The following KIF16B variants were observed in gnomAD, a reference collection of about 807,000 sequenced individuals.
KIF16B encodes kinesin-like protein KIF16B.
KIF16B carries 98 observed loss-of-function variants against 156.3 expected under a neutral mutation model. That is an observed-to-expected ratio of 0.63 (90% CI 0.53 to 0.74). The LOEUF is 0.74. Ranked by LOEUF, KIF16B falls within the 30% of genes least tolerant of loss-of-function variation. The probability of loss-of-function intolerance (pLI) is 0.00; values close to 1 mark genes in which losing one functional copy is unlikely to be tolerated. For missense variants in KIF16B, 1,421 were observed against 1,606.5 expected, an observed-to-expected ratio of 0.88 and a Z score of 1.97; for synonymous variants, 564 against 583.7, an observed-to-expected ratio of 0.97 and a Z score of 0.49.
At chr20:16,393,062 ATG>A (rs1306430825) in intron 17 of KIF16B, among the ~76,000 whole-genome samples, 1 of 152,226 alleles carries the variant, frequency 6.6e-6, no homozygotes, top group African/African-American at 2.4e-5. Context: ...ACACAATTAA[ATG>A]TTTAAAAAAA....
At chr20:16,536,696 G>A (rs968440435) in intron 1 of KIF16B, among the ~76,000 whole-genome samples, 5 of 152,282 alleles carry the variant, frequency 3.3e-5, no homozygotes, top group Middle Eastern at 3.4e-3. Flanking sequence ...TTTGTTACAT[G>A]TCTTCCTTTG....
chr20:16,353,987 G>A (rs1014937532), intron 23 of KIF16B, among the ~76,000 whole-genome samples: 1 of 152,160 alleles, frequency 6.6e-6, no homozygotes, highest in Non-Finnish European at 1.5e-5. Context: ...AACTTGCTTT[G>A]AGAAATGCAA....
intron 24 of KIF16B, among the ~76,000 whole-genome samples, chr20:16,315,598 A>C (rs957913925): frequency 2.0e-5 from 3 of 152,184 alleles, no homozygotes; most frequent in Non-Finnish European, 4.4e-5. Flanking sequence ...CAGTTCCAAC[A>C]AGAGTTGTCA....
chr20:16,508,240 G>A (rs1283949461), intron 6 of KIF16B, 140 bp from the exon 7 acceptor site: 1 of 938,990 alleles, frequency 1.1e-6, no homozygotes, highest in Non-Finnish European at 1.6e-6. Context: ...CTAGGGTGGT[G>A]GTATGTAATG....
At chr20:16,377,813 A>G (rs1252734535) in intron 19 of KIF16B, among the ~76,000 whole-genome samples, 1 of 152,170 alleles carries the variant, frequency 6.6e-6, no homozygotes, top group African/African-American at 2.4e-5. Flanking sequence ...CCTCAAATTC[A>G]CATAATATGC....
intron 12 of KIF16B, among the ~76,000 whole-genome samples, chr20:16,441,884 T>A (rs1011721835): frequency 3.9e-5 from 6 of 152,160 alleles, no homozygotes; most frequent in Admixed American, 6.6e-5. Context: ...GGCACCCTCT[T>A]ATATTTTATC....
chr20:16,351,840 T>C (rs1479269731), intron 23 of KIF16B, among the ~76,000 whole-genome samples: 1 of 152,158 alleles, frequency 6.6e-6, no homozygotes, highest in Non-Finnish European at 1.5e-5. Context: ...TGATAACCTT[T>C]TGTATCATCA....
intron 1 of KIF16B, among the ~76,000 whole-genome samples, chr20:16,531,937 G>A (rs1014121789): frequency 4.0e-5 from 6 of 151,816 alleles, no homozygotes; most frequent in African/African-American, 1.2e-4. Flanking sequence ...GTGTGGTGGC[G>A]GGCACCTGTA....
rs6111069 is a variant in KIF16B at position 16,355,055 on chromosome 20, T to A, written c.3621+1275A>T. On this transcript the variant is annotated intron_variant, in intron 23 of 25. Coordinates refer to ENST00000354981, the MANE Select transcript of KIF16B (RefSeq NM_024704.5). ...TTTTTTTTCTTTTCTAACGGAAAACTTAGTATATAGAAATAAAATCCTAAA... is the reference window on the plus strand; with the variant it reads ...TTTTTTTTCTTTTCTAACGGAAAACATAGTATATAGAAATAAAATCCTAAA... 4.1e-3 allele frequency among the ~76,000 whole-genome samples: 624 copies of A among 151,764 alleles called. 2 individuals are homozygous for A. The highest frequency in any genetic ancestry group is 0.015 in the African/African-American group (610 of 41,378).
intron 15 of KIF16B, among the ~76,000 whole-genome samples, chr20:16,412,740 T>C (rs2065990171): frequency 6.6e-6 from 1 of 152,082 alleles, no homozygotes; most frequent in African/African-American, 2.4e-5. Context: ...CATGTGGGGA[T>C]TATGGGAACT....
At position 16,483,326 on chromosome 20, in the gene KIF16B, T is replaced by C. The variant is rs116090073; in HGVS notation, c.1302+10965A>G. On this transcript the variant is annotated intron_variant, in intron 12 of 25. Transcript: ENST00000354981. ...CTGTACCATATAATCCAGTTTGGAA[T>C]TGGGTTTTCTGTTATTCAATGTAAA... is the stretch of plus-strand genomic sequence containing the variant. Among the ~76,000 whole-genome samples, 1,052 of 152,318 alleles carry C rather than the reference T, an allele frequency of 6.9e-3. 20 individuals are homozygous for C. Among genetic ancestry groups the C allele is most frequent in the African/African-American group, 0.024 (1,007 of 41,566 alleles).
At chr20:16,364,366 CTATAT>C (rs878912235) in intron 22 of KIF16B, among the ~76,000 whole-genome samples, 5 of 152,136 alleles carry the variant, frequency 3.3e-5, no homozygotes, top group African/African-American at 4.8e-5. Flanking sequence ...ATGTTTATGC[CTATAT>C]TATAACAATG....
chr20:16,546,736 C>G (rs938980550), intron 1 of KIF16B, among the ~76,000 whole-genome samples: 19 of 152,156 alleles, frequency 1.2e-4, no homozygotes, highest in Non-Finnish European at 2.1e-4. Context: ...ATAAGGCTAA[C>G]AGAAACACAA....
intron 12 of KIF16B, among the ~76,000 whole-genome samples, chr20:16,492,847 T>A (rs2068336507): frequency 6.6e-6 from 1 of 152,036 alleles, no homozygotes; most frequent in Admixed American, 6.5e-5. Flanking sequence ...TAAAGTAGAT[T>A]TTAGTCCTCC....
intron 12 of KIF16B, among the ~76,000 whole-genome samples, chr20:16,470,431 T>C (rs1055100664): frequency 1.3e-5 from 2 of 152,190 alleles, no homozygotes; most frequent in Admixed American, 6.5e-5. Flanking sequence ...TGTGTACATA[T>C]GGGCCAGGAA....
At chr20:16,345,704 G>A (rs2064220803) in intron 23 of KIF16B, among the ~76,000 whole-genome samples, 1 of 152,196 alleles carries the variant, frequency 6.6e-6, no homozygotes, top group Admixed American at 6.5e-5. Flanking sequence ...AGGAGGGTGG[G>A]TCCTGTTAAC....
chr20:16,490,275 T>A (rs1352407223), intron 12 of KIF16B, among the ~76,000 whole-genome samples: 1 of 152,108 alleles, frequency 6.6e-6, no homozygotes, highest in African/African-American at 2.4e-5. Context: ...GAAGAGGGCA[T>A]GGTGGCTCAC....
At chr20:16,343,237 GT>G (rs1162443318) in intron 23 of KIF16B, among the ~76,000 whole-genome samples, 1 of 152,202 alleles carries the variant, frequency 6.6e-6, no homozygotes, top group African/African-American at 2.4e-5. Context: ...CCATAAACAT[GT>G]CCTCAAGATG....
chr20:16,461,746 AAAAG>A (rs1337805756), intron 12 of KIF16B, among the ~76,000 whole-genome samples: 1 of 152,234 alleles, frequency 6.6e-6, no homozygotes. Flanking sequence ...ACTGTTAGAT[AAAAG>A]AAAGAAAACT....
Sources: allele counts gnomAD v4.1 joint callset (sites outside exome capture counted in the v4.1 genomes callset), GRCh38; gene constraint gnomAD v4.1.1; transcripts MANE v1.5; gene names NCBI Gene and HGNC (gene_info 2026-07-23, HGNC 2026-07-21).